The following ARHGAP44 variants were observed in gnomAD, a reference collection of about 807,000 sequenced individuals.
ARHGAP44 encodes the protein rho GTPase-activating protein 44.
Under a neutral mutation model 106.8 loss-of-function variants are expected in ARHGAP44, and 43 were observed. The ratio of observed to expected loss-of-function variants is 0.40; its 90% confidence interval spans 0.32 to 0.52. The LOEUF (loss-of-function observed/expected upper bound fraction) is 0.52, where lower values mean the gene tolerates loss of function less well. ARHGAP44 is among the 20% of genes least tolerant of loss of function. ARHGAP44 has a pLI of 0.48. For synonymous variants in ARHGAP44, 439 were observed against 410.3 expected (o/e 1.07, Z -0.85); for missense variants, 866 against 1,050.5 (o/e 0.82, Z 2.43).
At chr17:12,867,108 A>G (rs1005523648) in intron 1 of ARHGAP44, among the ~76,000 whole-genome samples, 1 of 151,442 alleles carries the variant, frequency 6.6e-6, no homozygotes, top group African/African-American at 2.4e-5. Flanking sequence ...AATTACAGAA[A>G]GTGAGAGGAG....
At chr17:12,973,415 G>A (rs917653314) in intron 17 of ARHGAP44, 96 bp downstream of exon 17, 6 of 1,317,692 alleles carry the variant, frequency 4.6e-6, no homozygotes, top group Non-Finnish European at 6.4e-6. Context: ...TGAATGCGCC[G>A]CGTCTGGTTG....
chr17:12,916,525 T>C (rs181577293), intron 5 of ARHGAP44, among the ~76,000 whole-genome samples: 130 of 152,258 alleles, frequency 8.5e-4, no homozygotes, highest in African/African-American at 3.1e-3. Context: ...GCTGGGATTA[T>C]AGGCACCCAC....
In ARHGAP44 at chr17:12,916,005, G is replaced by A; in HGVS notation, c.381G>A (p.Leu127=). 1 of 1,613,734 alleles carries A rather than the reference G, an allele frequency of 6.2e-7. No individual in the cohort carries two copies. The highest frequency in any genetic ancestry group is 1.1e-5 in the South Asian group (1 of 91,014). ...ERDVIEPLFL[L]AEVEIPNIQK... ...ACGTGATTGAGCCCCTGTTTTTGCT[G>A]GCGGAGGTAAGCAGCAGGAGTGAGG... The change falls in exon 5 of 21, where the codon CTG becomes CTA. Residue 127 remains leucine (L), a synonymous_variant. Transcript: ENST00000379672.
rs555761586 is a variant in ARHGAP44 at position 12,814,767 on chromosome 17, A to T, written c.53+24876A>T. On this transcript the variant is annotated intron_variant, in intron 1 of 20. Transcript: ENST00000379672. Reference sequence around the variant, plus strand: ...CCTGGCACACTCCTCCACTGGGTGTACTCCTCTTGTTTTCCTCTCTTCCTT... The same window carrying T: ...CCTGGCACACTCCTCCACTGGGTGTTCTCCTCTTGTTTTCCTCTCTTCCTT... Among the ~76,000 whole-genome samples the T allele has an allele frequency of 7.9e-5, 12 of 151,820 alleles. 1 individual carries two copies. Among genetic ancestry groups the T allele is most frequent in the African/African-American group, 2.2e-4 (9 of 41,368 alleles).
At chr17:12,801,113 G>A (rs1013162197) in intron 1 of ARHGAP44, among the ~76,000 whole-genome samples, 6 of 152,340 alleles carry the variant, frequency 3.9e-5, no homozygotes, top group East Asian at 3.9e-4. Flanking sequence ...CTGAGAGACA[G>A]CAGTTTATCT....
At chr17:12,984,263 C>A (rs1567724698) in intron 19 of ARHGAP44, among the ~76,000 whole-genome samples, 1 of 151,798 alleles carries the variant, frequency 6.6e-6, no homozygotes, top group African/African-American at 2.4e-5. Flanking sequence ...GTGTGTAGAT[C>A]AGGGCAGAAA....
intron 1 of ARHGAP44, among the ~76,000 whole-genome samples, chr17:12,864,355 G>A (rs367685653): frequency 1.3e-5 from 2 of 152,230 alleles, no homozygotes; most frequent in African/African-American, 2.4e-5. Flanking sequence ...CTCAGGCTTA[G>A]GGTAGCCACT....
At chr17:12,892,906 G>A (rs1050959419) in intron 1 of ARHGAP44, among the ~76,000 whole-genome samples, 1 of 149,870 alleles carries the variant, frequency 6.7e-6, no homozygotes, top group African/African-American at 2.5e-5. Flanking sequence ...TTTCAAAAGT[G>A]TTTATTACTA....
At chr17:12,950,942 T>C (rs967283172) in intron 12 of ARHGAP44, among the ~76,000 whole-genome samples, 1 of 152,144 alleles carries the variant, frequency 6.6e-6, no homozygotes, top group Admixed American at 6.5e-5. Context: ...CCTTCTACTT[T>C]TTGAAGAACT....
At chr17:12,798,239 A>C (rs1333469134) in intron 1 of ARHGAP44, among the ~76,000 whole-genome samples, 1 of 152,200 alleles carries the variant, frequency 6.6e-6, no homozygotes, top group Admixed American at 6.5e-5. Flanking sequence ...CAATGTTAAA[A>C]TATCATGGCA....
At chr17:12,935,231 T>A (rs1323985452) in intron 7 of ARHGAP44, among the ~76,000 whole-genome samples, 1 of 152,188 alleles carries the variant, frequency 6.6e-6, no homozygotes, top group African/African-American at 2.4e-5. Flanking sequence ...TATTTACTTA[T>A]GATAACAATA....
chr17:12,800,329 T>C (rs773295076), intron 1 of ARHGAP44, among the ~76,000 whole-genome samples: 3 of 152,216 alleles, frequency 2.0e-5, no homozygotes, highest in Non-Finnish European at 2.9e-5. Flanking sequence ...CTTCACTCAT[T>C]GAATCCCCAT....
intron 15 of ARHGAP44, among the ~76,000 whole-genome samples, chr17:12,957,158 A>ATG (rs910489090): frequency 5.9e-5 from 9 of 152,006 alleles, no homozygotes; most frequent in African/African-American, 2.2e-4. Flanking sequence ...GGGTTTCTCC[A>ATG]TGTCGCTCAG....
intron 16 of ARHGAP44, among the ~76,000 whole-genome samples, chr17:12,959,963 C>T (rs546322591): frequency 8.5e-5 from 13 of 152,194 alleles, no homozygotes; most frequent in Non-Finnish European, 1.5e-4. Context: ...AATCCAAGAA[C>T]TGTTAGAGGT....
At chr17:12,807,155 C>T (rs2034298378) in intron 1 of ARHGAP44, among the ~76,000 whole-genome samples, 1 of 152,160 alleles carries the variant, frequency 6.6e-6, no homozygotes, top group African/African-American at 2.4e-5. Context: ...ATTTTATTGA[C>T]ACTTATGTGC....
chr17:12,809,840 A>G (rs1438363497), intron 1 of ARHGAP44, among the ~76,000 whole-genome samples: 1 of 152,328 alleles, frequency 6.6e-6, no homozygotes, highest in East Asian at 1.9e-4. Flanking sequence ...TTGCGGGAGC[A>G]GTGGGAGATA....
chr17:12,899,826 A>G (rs2037323100), intron 3 of ARHGAP44, among the ~76,000 whole-genome samples: 1 of 152,206 alleles, frequency 6.6e-6, no homozygotes, highest in Admixed American at 6.5e-5. Flanking sequence ...AGCACATGTA[A>G]GTTGCTACTT....
intron 1 of ARHGAP44, among the ~76,000 whole-genome samples, chr17:12,808,449 TAGG>T (rs1017557246): frequency 8.5e-5 from 13 of 152,328 alleles, no homozygotes; most frequent in Admixed American, 5.2e-4. Context: ...CTCTGAAATC[TAGG>T]AGGAGGTTTT....
At chr17:12,883,963 G>A (rs2036810726) in intron 1 of ARHGAP44, among the ~76,000 whole-genome samples, 2 of 152,006 alleles carry the variant, frequency 1.3e-5, no homozygotes, top group South Asian at 2.1e-4. Flanking sequence ...TGTGTGATTC[G>A]TATCAGGTAC....
Sources: allele counts gnomAD v4.1 joint callset (sites outside exome capture counted in the v4.1 genomes callset), GRCh38; gene constraint gnomAD v4.1.1; transcripts MANE v1.5; gene names NCBI Gene and HGNC (gene_info 2026-07-23, HGNC 2026-07-21).